AGBL1: variants seen among roughly 807,000 people sequenced by gnomAD.
AGBL1 encodes cytosolic carboxypeptidase 4.
In AGBL1, 130 loss-of-function variants were observed where a neutral mutation model predicts 118.9. The ratio of observed to expected loss-of-function variants is 1.09; its 90% CI spans 0.95 to 1.26. AGBL1 has a LOEUF of 1.26. AGBL1 is among the 50% of genes most tolerant of loss of function. AGBL1 has a pLI of 0.00. For synonymous variants in AGBL1, 555 were observed against 478.9 expected, an observed-to-expected ratio of 1.16 and a Z score of -2.08; for missense variants, 1,584 against 1,298.1, an observed-to-expected ratio of 1.22 and a Z score of -3.38.
intron 5 of AGBL1, among the ~76,000 whole-genome samples, chr15:86,160,434 C>G (rs1049997292): frequency 6.6e-6 from 1 of 152,314 alleles, no homozygotes; most frequent in East Asian, 1.9e-4. Flanking sequence ...CTTCTCCCCC[C>G]ACTTCCTGGG....
At chr15:86,822,787 C>A (rs940449508) in intron 22 of AGBL1, among the ~76,000 whole-genome samples, 1 of 152,106 alleles carries the variant, frequency 6.6e-6, no homozygotes. Flanking sequence ...CACCATTACC[C>A]CTCAGACCTA....
intron 22 of AGBL1, among the ~76,000 whole-genome samples, chr15:86,901,983 T>C (rs2080218171): frequency 6.6e-6 from 1 of 152,162 alleles, no homozygotes; most frequent in Non-Finnish European, 1.5e-5. Context: ...TTTCCTGGTA[T>C]GCAGGTCCCA....
At chr15:86,427,259 A>G (rs2081878332) in intron 18 of AGBL1, among the ~76,000 whole-genome samples, 1 of 152,232 alleles carries the variant, frequency 6.6e-6, no homozygotes, top group Non-Finnish European at 1.5e-5. Context: ...TCATTTTATA[A>G]GGGTGACGAC....
intron 17 of AGBL1, among the ~76,000 whole-genome samples, chr15:86,325,063 A>T (rs1414439692): frequency 6.6e-6 from 1 of 152,176 alleles, no homozygotes; most frequent in South Asian, 2.1e-4. Context: ...GTTTTGTTTC[A>T]TCCTATAGTC....
rs540173943 is a variant in AGBL1 at position 86,757,553 on chromosome 15, A to G, written c.3158+83117A>G. Among the ~76,000 whole-genome samples the G allele has an allele frequency of 2.0e-5, 3 of 152,208 alleles. No individual in the cohort carries two copies. The East Asian group carries it at 5.8e-4, about 30-fold the overall frequency. Reference sequence around the variant, plus strand: ...TTTACAGAGGGAAAAACCAAGGCTCAGTGGGGTTAAGTGACTTGTCCAAGA... The same window carrying G: ...TTTACAGAGGGAAAAACCAAGGCTCGGTGGGGTTAAGTGACTTGTCCAAGA... On this transcript the variant is annotated intron_variant, in intron 22 of 22. Coordinates refer to ENST00000614907, the MANE Select transcript of AGBL1 (RefSeq NM_001386094.1).
At chr15:86,475,618 G>A (rs2142111433) in intron 18 of AGBL1, among the ~76,000 whole-genome samples, 2 of 152,210 alleles carry the variant, frequency 1.3e-5, no homozygotes, top group East Asian at 3.8e-4. Flanking sequence ...TGAAAGTGAT[G>A]CGGAGAATGG....
chr15:86,699,848 T>C (rs1025483907), intron 22 of AGBL1, among the ~76,000 whole-genome samples: 1 of 152,080 alleles, frequency 6.6e-6, no homozygotes, highest in African/African-American at 2.4e-5. Context: ...TTTTGTGAGA[T>C]GCTACCCTGA....
chr15:86,244,412 C>T (rs1451583588), intron 6 of AGBL1, among the ~76,000 whole-genome samples: 1 of 152,230 alleles, frequency 6.6e-6, no homozygotes, highest in Non-Finnish European at 1.5e-5. Context: ...CTCTTCTCCA[C>T]ATTTGCTCTT....
chr15:86,741,409 A>AAAAAAAAAAAAAAAAAAAAAAT (rs2077677243), intron 22 of AGBL1, among the ~76,000 whole-genome samples: 1 of 133,140 alleles, frequency 7.5e-6, no homozygotes, highest in Admixed American at 7.8e-5. Context: ...AAAAAAAAAA[A>AAAAAAAAAAAAAAAAAAAAAAT]AAAAAAAAAA....
Position 86,264,739 on chromosome 15 carries a change from C to T in AGBL1, c.1568C>T (p.Ser523Phe). ...ATGGCCAAAGCCAGAAGAACCAGCT[C>T]TGTGGTGGACTTCAAGATGATGGCA... ...LYMAKARRTS[S>F]VVDFKMMAFP... Residue 523 changes from serine (S) to phenylalanine (F), a missense_variant, in exon 11 of 23, where the codon TCT (serine) becomes TTT (phenylalanine). Coordinates refer to ENST00000614907, the MANE Select transcript of AGBL1 (RefSeq NM_001386094.1). 6.2e-7 allele frequency: 1 copy of T among 1,614,066 alleles called. No homozygotes were observed. Among genetic ancestry groups the T allele is most frequent in the Non-Finnish European group, 8.5e-7 (1 of 1,179,908 alleles).
intron 22 of AGBL1, among the ~76,000 whole-genome samples, chr15:86,804,140 A>T (rs555935606): frequency 3.3e-5 from 5 of 152,192 alleles, no homozygotes; most frequent in Non-Finnish European, 7.3e-5. Flanking sequence ...TTAGTATTTA[A>T]CATTAAGAGT....
intron 23 of AGBL1, among the ~76,000 whole-genome samples, chr15:86,964,015 C>A (rs1191617949): frequency 7.7e-6 from 1 of 129,316 alleles, no homozygotes; most frequent in Non-Finnish European, 1.7e-5. Context: ...GAAACTCTCT[C>A]TCTCTCTCTC....
At chr15:86,356,185 A>G (rs2080714753) in intron 17 of AGBL1, among the ~76,000 whole-genome samples, 1 of 152,146 alleles carries the variant, frequency 6.6e-6, no homozygotes, top group African/African-American at 2.4e-5. Context: ...GGGTAATGGA[A>G]ATGGAAGTGA....
intron 22 of AGBL1, among the ~76,000 whole-genome samples, chr15:86,721,237 G>A (rs1346741631): frequency 6.6e-6 from 1 of 152,152 alleles, no homozygotes; most frequent in East Asian, 1.9e-4. Flanking sequence ...GAACATCGAT[G>A]CAAAAATCCT....
chr15:86,158,182 T>C (rs992523596), intron 4 of AGBL1, among the ~76,000 whole-genome samples: 4 of 152,160 alleles, frequency 2.6e-5, no homozygotes, highest in Non-Finnish European at 4.4e-5. Context: ...TCCAGGAACA[T>C]GCACTCTGCA....
At chr15:86,634,179 A>G (rs1177574892) in intron 21 of AGBL1, among the ~76,000 whole-genome samples, 4 of 152,276 alleles carry the variant, frequency 2.6e-5, no homozygotes, top group East Asian at 3.9e-4. Flanking sequence ...TTGAAAATAG[A>G]GTTACTATAT....
rs145087325 is a variant in AGBL1, at chr15:86,567,300, G to A, written c.2994+12763G>A. Among the ~76,000 whole-genome samples the A allele has an allele frequency of 2.9e-3, 446 of 152,182 alleles. 8 individuals are homozygous for A. The highest frequency in any genetic ancestry group is 0.01 in the Middle Eastern group (3 of 294). ...AATATCCATATACCTGTATTTATAG[G>A]CTTAGCTACATCAAAGTAATGTCTA... is the stretch of plus-strand genomic sequence containing the variant. On this transcript the variant is annotated intron_variant, in intron 21 of 22. Coordinates refer to ENST00000614907, the MANE Select transcript of AGBL1 (RefSeq NM_001386094.1).
chr15:86,381,345 AT>A (rs1180368636), intron 17 of AGBL1, among the ~76,000 whole-genome samples: 1 of 152,080 alleles, frequency 6.6e-6, no homozygotes, highest in Non-Finnish European at 1.5e-5. Flanking sequence ...ATAATATTCT[AT>A]TTTTTGGACA....
At chr15:86,561,636 G>A (rs2142287186) in intron 21 of AGBL1, among the ~76,000 whole-genome samples, 1 of 152,288 alleles carries the variant, frequency 6.6e-6, no homozygotes, top group East Asian at 1.9e-4. Flanking sequence ...TGGCAATGCG[G>A]GCTCTTTTTT....
Sources: gnomAD v4.1 joint callset for allele counts (sites outside exome capture counted in the v4.1 genomes callset) on GRCh38, gnomAD v4.1.1 for gene constraint, MANE v1.5 for transcripts, NCBI Gene and HGNC (gene_info 2026-07-23, HGNC 2026-07-21) for gene names.